The following METTL15 variants were observed in gnomAD, a reference collection of about 807,000 sequenced individuals.
METTL15 encodes the protein methyltransferase 15, mitochondrial 12S rRNA N4-cytidine.
Under a neutral mutation model 38.3 loss-of-function variants are expected in METTL15, and 34 were observed. That is an observed-to-expected ratio of 0.89 (90% CI 0.68 to 1.18). The LOEUF (loss-of-function observed/expected upper bound fraction) is 1.18. Among genes scored for constraint, METTL15 ranks in the 50% most tolerant of loss-of-function variants. METTL15 has a pLI of 0.00. For synonymous variants in METTL15, 162 were observed against 170.9 expected (o/e 0.95, Z 0.41); for missense variants, 438 against 498.4 (o/e 0.88, Z 1.15).
At chr11:28,169,284 T>C (rs1197747326) in intron 3 of METTL15, among the ~76,000 whole-genome samples, 1 of 152,216 alleles carries the variant, frequency 6.6e-6, no homozygotes, top group Non-Finnish European at 1.5e-5. Context: ...CCGTGGCTGT[T>C]ATAAGTACTT....
chr11:28,162,869 A>G (rs1308092872), intron 3 of METTL15, among the ~76,000 whole-genome samples: 1 of 152,160 alleles, frequency 6.6e-6, no homozygotes, highest in African/African-American at 2.4e-5. Context: ...GACTGAATGC[A>G]TATAACTTTC....
At chr11:28,519,579 G>A (rs960042010) in intron 6 of METTL15, among the ~76,000 whole-genome samples, 2 of 151,620 alleles carry the variant, frequency 1.3e-5, no homozygotes, top group Non-Finnish European at 2.9e-5. Flanking sequence ...AAGAACCTCA[G>A]AGATCATAAG....
At chr11:28,217,244 G>T (rs1413892648) in intron 4 of METTL15, among the ~76,000 whole-genome samples, 2 of 151,492 alleles carry the variant, frequency 1.3e-5, no homozygotes, top group African/African-American at 4.8e-5. Flanking sequence ...ACTTTTTAAT[G>T]ATCGCCATTC....
chr11:28,335,277 AT>A (rs1291669619), downstream of METTL15, among the ~76,000 whole-genome samples: 1 of 152,176 alleles, frequency 6.6e-6, no homozygotes. Context: ...AGAAGACCGT[AT>A]AGTATTGTGA....
chr11:28,190,537 G>A (rs965886606), intron 3 of METTL15, among the ~76,000 whole-genome samples: 58 of 151,128 alleles, frequency 3.8e-4, no homozygotes, highest in African/African-American at 1.3e-3. Flanking sequence ...TTATTTGAAT[G>A]TGAAGAGATT....
intron 6 of METTL15, among the ~76,000 whole-genome samples, chr11:28,483,293 A>G (rs925204774): frequency 4.6e-5 from 7 of 152,140 alleles, no homozygotes; most frequent in African/African-American, 1.2e-4. Flanking sequence ...CTGTTGACTC[A>G]TGGGCCTGAT....
At chr11:28,189,213 A>C (rs1229168756) in intron 3 of METTL15, among the ~76,000 whole-genome samples, 1 of 151,318 alleles carries the variant, frequency 6.6e-6, no homozygotes, top group Non-Finnish European at 1.5e-5. Context: ...TCTTTCTTTA[A>C]CATACTGTTT....
At chr11:28,496,598 C>CTG (rs1851537978) in intron 6 of METTL15, among the ~76,000 whole-genome samples, 2 of 152,204 alleles carry the variant, frequency 1.3e-5, no homozygotes, top group South Asian at 4.1e-4. Flanking sequence ...TCAGTGCCTG[C>CTG]TGTGGATATA....
Position 28,332,258 on chromosome 11 carries a change from T to G in METTL15, c.*1417T>G, listed in dbSNP as rs913986629. 21 of 152,158 alleles carry G rather than the reference T, an allele frequency of 1.4e-4. No homozygotes were observed. Among genetic ancestry groups the G allele is most frequent in the Non-Finnish European group, 2.6e-4 (18 of 68,028 alleles). The allele number at this position is 152,158 out of a possible 1,614,324, so 9.4% of individuals were successfully genotyped here. On this transcript the variant is annotated 3_prime_UTR_variant, in exon 7 of 7. Coordinates refer to ENST00000407364, the MANE Select transcript of METTL15 (RefSeq NM_001113528.2). Reference sequence around the variant, plus strand: ...AATCTGGAGAACAATATGGTTGAAATAGAAACAAGAGAATGCACCTAGGTT... The same window carrying G: ...AATCTGGAGAACAATATGGTTGAAAGAGAAACAAGAGAATGCACCTAGGTT...
At position 28,462,479 on chromosome 11, in the gene METTL15, TACACACACACAC is replaced by T. The variant is rs10573384; in HGVS notation, c.*424+38145_*424+38156del. 7.1e-3 allele frequency among the ~76,000 whole-genome samples: 1,039 copies of T among 146,410 alleles called. 1 individual carries two copies. Among genetic ancestry groups the T allele is most frequent in the Admixed American group, 0.011 (156 of 14,694 alleles). The stretch of plus-strand genomic sequence containing the variant: ...ACACACATCTGCAAGCATACACGCT[TACACACACACAC>T]ACACACACACACACACACACACACA... On this transcript the variant is annotated intron_variant and NMD_transcript_variant, in intron 6 of 7. Coordinates refer to the METTL15 transcript ENST00000532947.
At chr11:28,356,403 C>G (rs1850090273) in intron 4 of METTL15, among the ~76,000 whole-genome samples, 1 of 152,158 alleles carries the variant, frequency 6.6e-6, no homozygotes, top group South Asian at 2.1e-4. Context: ...TGAGCCTTCT[C>G]TGTATACAAG....
intron 6 of METTL15, among the ~76,000 whole-genome samples, chr11:28,502,428 A>G (rs1025725659): frequency 2.0e-5 from 3 of 152,094 alleles, no homozygotes; most frequent in African/African-American, 4.8e-5. Context: ...GTCTAACAAA[A>G]CTTTATACAC....
At chr11:28,308,892 G>GTAGATAGATAGA (rs68044190) in intron 6 of METTL15, among the ~76,000 whole-genome samples, 16,372 of 146,874 alleles carry the variant, frequency 0.11, 1,019 homozygotes, top group Admixed American at 0.13. Flanking sequence ...AGGTAGGTAG[G>GTAGATAGATAGA]TAGATAGATA....
chr11:28,346,413 G>A (rs1849996584), intron 3 of METTL15, among the ~76,000 whole-genome samples: 1 of 152,134 alleles, frequency 6.6e-6, no homozygotes, highest in Admixed American at 6.5e-5. Flanking sequence ...AAAATGCAAT[G>A]AGTCATATTT....
chr11:28,305,071 CTG>C (rs1857036367), intron 6 of METTL15, among the ~76,000 whole-genome samples: 1 of 152,178 alleles, frequency 6.6e-6, no homozygotes, highest in Non-Finnish European at 1.5e-5. Context: ...CTATTACACA[CTG>C]TATGTATAGT....
At chr11:28,154,240 T>TA (rs976368925) in intron 3 of METTL15, among the ~76,000 whole-genome samples, 3 of 152,138 alleles carry the variant, frequency 2.0e-5, no homozygotes, top group Non-Finnish European at 2.9e-5. Flanking sequence ...TCTTTCTTGT[T>TA]ACTTGCTTTA....
At chr11:28,110,939 G>A (rs1466835372) in intron 2 of METTL15, among the ~76,000 whole-genome samples, 1 of 152,108 alleles carries the variant, frequency 6.6e-6, no homozygotes, top group Non-Finnish European at 1.5e-5. Flanking sequence ...ATGACCAGAG[G>A]GAACTTAATC....
intron 6 of METTL15, among the ~76,000 whole-genome samples, chr11:28,312,793 C>G (rs934312874): frequency 3.9e-5 from 6 of 152,086 alleles, no homozygotes; most frequent in African/African-American, 1.4e-4. Context: ...CCAACTCATC[C>G]TCTTCTCAGG....
intron 2 of METTL15, among the ~76,000 whole-genome samples, chr11:28,111,841 C>T (rs1289256993): frequency 6.6e-6 from 1 of 152,174 alleles, no homozygotes; most frequent in African/African-American, 2.4e-5. Flanking sequence ...GTTAGAAACA[C>T]TAAGTCAGAG....
Sources: gnomAD v4.1 joint callset for allele counts (sites outside exome capture counted in the v4.1 genomes callset) on GRCh38, gnomAD v4.1.1 for gene constraint, MANE v1.5 for transcripts, NCBI Gene and HGNC (gene_info 2026-07-23, HGNC 2026-07-21) for gene names.